The following EPHA6 variants were observed in gnomAD, a reference collection of about 807,000 sequenced individuals.
The protein encoded by EPHA6 is ephrin type-A receptor 6.
In EPHA6, 50 loss-of-function variants were observed where a neutral mutation model predicts 112.0. That is an observed-to-expected ratio of 0.45 (90% confidence interval 0.36 to 0.56). The LOEUF is 0.56. Ranked by LOEUF, EPHA6 falls within the 20% of genes least tolerant of loss-of-function variation. The pLI is 0.00. For missense variants in EPHA6, 1,280 were observed against 1,417.4 expected, an observed-to-expected ratio of 0.90 and a Z score of 1.56; for synonymous variants, 529 against 490.7, an observed-to-expected ratio of 1.08 and a Z score of -1.03.
intron 3 of EPHA6, among the ~76,000 whole-genome samples, chr3:97,219,222 G>A (rs1303030712): frequency 6.6e-6 from 1 of 152,056 alleles, no homozygotes; most frequent in African/African-American, 2.4e-5. Flanking sequence ...TTTAGTGGAT[G>A]GTGGCCCTCT....
chr3:97,128,423 C>T (rs899004862), intron 3 of EPHA6, among the ~76,000 whole-genome samples: 1 of 152,186 alleles, frequency 6.6e-6, no homozygotes, highest in Admixed American at 6.5e-5. Context: ...TTCATCTGCT[C>T]TTAGGCCTAG....
chr3:97,515,103 A>G (rs944095476), intron 10 of EPHA6, among the ~76,000 whole-genome samples: 1 of 152,232 alleles, frequency 6.6e-6, no homozygotes, highest in African/African-American at 2.4e-5. Context: ...GATGAAAGAC[A>G]TTAACCTGAG....
At chr3:97,692,257 G>A (rs2032719222) in intron 14 of EPHA6, among the ~76,000 whole-genome samples, 1 of 151,994 alleles carries the variant, frequency 6.6e-6, no homozygotes, top group South Asian at 2.1e-4. Context: ...TTCTTAATAG[G>A]TATGCAAAGT....
chr3:97,033,040 C>T (rs144103327), intron 3 of EPHA6, among the ~76,000 whole-genome samples: 1 of 151,272 alleles, frequency 6.6e-6, no homozygotes, highest in South Asian at 2.1e-4. Context: ...AATATGAAAC[C>T]TTCCCAAATG....
intron 1 of EPHA6, among the ~76,000 whole-genome samples, chr3:96,840,746 G>A (rs758381515): frequency 2.0e-5 from 3 of 152,048 alleles, no homozygotes; most frequent in Non-Finnish European, 4.4e-5. Context: ...AGGTGGGACA[G>A]AAATCTGAAT....
chr3:97,384,065 T>C (rs778828576), intron 5 of EPHA6, among the ~76,000 whole-genome samples: 3 of 152,208 alleles, frequency 2.0e-5, no homozygotes, highest in Non-Finnish European at 2.9e-5. Context: ...AGATTTATAA[T>C]GTTGACTATT....
At chr3:97,198,351 G>A (rs1366418813) in intron 3 of EPHA6, among the ~76,000 whole-genome samples, 2 of 152,046 alleles carry the variant, frequency 1.3e-5, no homozygotes, top group East Asian at 1.9e-4. Context: ...GAATCCTCCC[G>A]GTGCTGTTAT....
rs925071646 is a variant in EPHA6, at chr3:97,544,921, T to A, written c.2386+12378T>A. Among the ~76,000 whole-genome samples the A allele has an allele frequency of 3.3e-5, 5 of 151,530 alleles. No homozygotes were observed. The East Asian group carries it at 9.8e-4, about 30-fold the overall frequency. On this transcript the variant is annotated intron_variant, in intron 11 of 17. Transcript: ENST00000389672. ...TCTCTGATGGTAGTTTGTATTTCTGTGGGAAATTTGCGTCTATTTGATTCT... is the reference window on the plus strand; with the variant it reads ...TCTCTGATGGTAGTTTGTATTTCTGAGGGAAATTTGCGTCTATTTGATTCT...
At chr3:97,530,742 T>C (rs2107644935) in intron 10 of EPHA6, among the ~76,000 whole-genome samples, 1 of 152,144 alleles carries the variant, frequency 6.6e-6, no homozygotes, top group Non-Finnish European at 1.5e-5. Flanking sequence ...GAATAAATTA[T>C]CTTGTTAGAC....
chr3:97,255,001 C>T (rs1184487096), intron 5 of EPHA6, among the ~76,000 whole-genome samples: 1 of 152,154 alleles, frequency 6.6e-6, no homozygotes, highest in African/African-American at 2.4e-5. Context: ...TTATCATCGC[C>T]AACCACCTTC....
At chr3:97,317,432 C>T (rs571200008) in intron 5 of EPHA6, among the ~76,000 whole-genome samples, 3 of 152,076 alleles carry the variant, frequency 2.0e-5, no homozygotes, top group African/African-American at 7.2e-5. Context: ...AATTCCATGG[C>T]AAACACTATT....
Position 97,243,938 on chromosome 3 carries a change from T to C in EPHA6, c.1271-14T>C. On this transcript the variant is annotated splice_polypyrimidine_tract_variant and intron_variant, in intron 4 of 17. Transcript: ENST00000389672. ...CTATATATGTACATTTGTTTTTTAA[T>C]TGCTTTTCTCTAGGGCCACCTTCAG... is the stretch of plus-strand genomic sequence containing the variant. 6.4e-6 allele frequency: 10 copies of C among 1,571,840 alleles called. No individual in the cohort carries two copies. Among genetic ancestry groups the C allele is most frequent in the Non-Finnish European group, 8.6e-6 (10 of 1,156,538 alleles).
At chr3:97,190,331 GAC>G (rs1391214766) in intron 3 of EPHA6, among the ~76,000 whole-genome samples, 1 of 151,948 alleles carries the variant, frequency 6.6e-6, no homozygotes, top group Non-Finnish European at 1.5e-5. Context: ...CCAGTTTGTG[GAC>G]AATTAGTGTC....
intron 3 of EPHA6, among the ~76,000 whole-genome samples, chr3:97,066,508 T>C (rs2046183178): frequency 6.6e-6 from 1 of 152,246 alleles, no homozygotes; most frequent in South Asian, 2.1e-4. Flanking sequence ...AAGAGAAAGG[T>C]TTCATAAAAT....
At chr3:97,738,203 G>T (rs1409537996) in intron 16 of EPHA6, among the ~76,000 whole-genome samples, 2 of 151,748 alleles carry the variant, frequency 1.3e-5, no homozygotes, top group African/African-American at 4.8e-5. Flanking sequence ...AAGAAAAGTA[G>T]TTAGAGGAAA....
intron 11 of EPHA6, among the ~76,000 whole-genome samples, chr3:97,564,756 A>C (rs2093238735): frequency 6.6e-6 from 1 of 152,158 alleles, no homozygotes; most frequent in South Asian, 2.1e-4. Flanking sequence ...TTTATTATTA[A>C]ACATGCAAAA....
Position 97,106,588 on chromosome 3 carries a change from C to G in EPHA6, c.1114+118595C>G, listed in dbSNP as rs547720820. ...TAAAACGTTGTACTCATTTTCCAAGCCCACTTGTGATCTAATTCTTCCGGT... is the reference window on the plus strand; with the variant it reads ...TAAAACGTTGTACTCATTTTCCAAGGCCACTTGTGATCTAATTCTTCCGGT... On this transcript the variant is annotated intron_variant, in intron 3 of 17. Coordinates refer to ENST00000389672, the MANE Select transcript of EPHA6 (RefSeq NM_001080448.3). Among the ~76,000 whole-genome samples the G allele has an allele frequency of 2.8e-4, 42 of 152,148 alleles. No homozygotes were observed. In the South Asian group the frequency reaches 8.1e-3, roughly 29 times the overall value.
intron 3 of EPHA6, among the ~76,000 whole-genome samples, chr3:97,111,039 G>C (rs149841093): frequency 6.6e-6 from 1 of 152,018 alleles, no homozygotes; most frequent in Non-Finnish European, 1.5e-5. Context: ...TTTAGGAAAA[G>C]GTTTAAAAAG....
At chr3:97,242,290 C>T (rs1461941362) in intron 4 of EPHA6, among the ~76,000 whole-genome samples, 1 of 151,820 alleles carries the variant, frequency 6.6e-6, no homozygotes, top group Non-Finnish European at 1.5e-5. Context: ...TCTCCCTCTG[C>T]AGTCTAGCCA....
Sources: gnomAD v4.1 joint callset for allele counts (sites outside exome capture counted in the v4.1 genomes callset) on GRCh38, gnomAD v4.1.1 for gene constraint, MANE v1.5 for transcripts, NCBI Gene and HGNC (gene_info 2026-07-23, HGNC 2026-07-21) for gene names.